TACC2: variants seen among roughly 807,000 people sequenced by gnomAD.
The protein encoded by TACC2 is transforming acidic coiled-coil-containing protein 2.
A neutral mutation model predicts 227.3 loss-of-function variants in TACC2; 137 were observed. The ratio of observed to expected loss-of-function variants is 0.60; its 90% CI spans 0.52 to 0.69. TACC2 has a LOEUF of 0.69. Ranked by LOEUF, TACC2 falls within the 30% of genes least tolerant of loss-of-function variation. TACC2 has a pLI of 0.00. For synonymous variants in TACC2, 1,523 were observed against 1,487.5 expected (o/e 1.02, Z -0.55); for missense variants, 3,470 against 3,694.4 (o/e 0.94, Z 1.57).
chr10:122,192,616 A>G (rs2140496773), intron 7 of TACC2: 1 of 445,694 alleles, frequency 2.2e-6, no homozygotes, highest in African/African-American at 2.0e-5. Context: ...TTTAGGTCCA[A>G]GAGATACGAG....
chr10:122,197,676 C>T (rs1053791491), intron 8 of TACC2, among the ~76,000 whole-genome samples: 4 of 152,212 alleles, frequency 2.6e-5, no homozygotes, highest in Admixed American at 6.5e-5. Flanking sequence ...AGTGTTTGAA[C>T]GGGGACTTTA....
rs760822277 is a variant in TACC2 at position 122,085,646 on chromosome 10, A to T, written c.3146A>T (p.Asp1049Val). The T allele has an allele frequency of 1.3e-5, 21 of 1,613,344 alleles. No homozygotes were observed. Among genetic ancestry groups the T allele is most frequent in the Non-Finnish European group, 1.8e-5 (21 of 1,179,992 alleles). Residue 1049 changes from aspartate to valine, a missense_variant, in exon 4 of 23, where the codon GAC becomes GTC. By Grantham distance (152) the Asp-to-Val change is radical. Coordinates refer to ENST00000369005, the MANE Select transcript of TACC2 (RefSeq NM_206862.4). ...NTGEAPPCQP[D>V]SVALLDAVPC... ...GGGGAGGCCCCACCTTGTCAGCCTGACTCAGTAGCTCTCCTGGATGCAGTT... is the reference window on the plus strand; with the variant it reads ...GGGGAGGCCCCACCTTGTCAGCCTGTCTCAGTAGCTCTCCTGGATGCAGTT...
intron 9 of TACC2, among the ~76,000 whole-genome samples, chr10:122,212,525 A>C (rs1259721805): frequency 6.6e-6 from 1 of 152,190 alleles, no homozygotes; most frequent in Non-Finnish European, 1.5e-5. Context: ...CCTGTGGTTA[A>C]TATCTTGGCG....
At chr10:122,056,409 A>C (rs546246529) in intron 3 of TACC2, among the ~76,000 whole-genome samples, 1 of 152,144 alleles carries the variant, frequency 6.6e-6, no homozygotes, top group African/African-American at 2.4e-5. Context: ...TCTTGACCTC[A>C]GGTGATCTGC....
rs148285487 is a variant in TACC2 at position 122,124,788 on chromosome 10, C to A, written c.5574-7821C>A. ...CTTCCATGTTCCCTTTCCCCGATTC[C>A]GCAGTCATTGACATTTTATCACATG... On this transcript the variant is annotated intron_variant, in intron 5 of 22. Transcript: ENST00000369005. 2.3e-3 allele frequency among the ~76,000 whole-genome samples: 353 copies of A among 152,312 alleles called. 3 individuals are homozygous for A. The highest frequency in any genetic ancestry group is 8.2e-3 in the African/African-American group (339 of 41,568).
intron 5 of TACC2, among the ~76,000 whole-genome samples, chr10:122,113,707 A>G (rs2084077433): frequency 6.6e-6 from 1 of 152,224 alleles, no homozygotes; most frequent in African/African-American, 2.4e-5. Context: ...CGGCGCGTGG[A>G]CTAGCCATAA....
chr10:122,211,207 T>C lies in TACC2; in HGVS notation c.6782T>C (p.Leu2261Pro), dbSNP rs2295876. The change falls in exon 9 of 23, where the codon CTC becomes CCC. Residue 2261 changes from leucine to proline, a missense_variant. This residue lies in a region of TACC2 where 593 missense variants were observed against 636.6 expected (regional missense o/e 0.93). Coordinates refer to ENST00000369005, the MANE Select transcript of TACC2 (RefSeq NM_206862.4). ...GGQEDSPAKG[L>P]SVRLEFDYSE... ...CAAGAGGACTCTCCAGCCAAAGGGC[T>C]CTCCGTAAGGCTGGAGTTTGACTAT... The C allele has an allele frequency of 3.9e-3, 6,325 of 1,613,668 alleles. 29 individuals are homozygous for C. Among genetic ancestry groups the C allele is most frequent in the Non-Finnish European group, 4.5e-3 (5,294 of 1,179,894 alleles).
At chr10:122,145,224 T>G (rs1338058513) in intron 7 of TACC2, among the ~76,000 whole-genome samples, 1 of 152,256 alleles carries the variant, frequency 6.6e-6, no homozygotes, top group Non-Finnish European at 1.5e-5. Context: ...AAAACTTGTA[T>G]GCATGTATTC....
chr10:122,003,126 C>T (rs188274429), intron 1 of TACC2, among the ~76,000 whole-genome samples: 2 of 152,176 alleles, frequency 1.3e-5, no homozygotes, highest in Non-Finnish European at 2.9e-5. Context: ...TCGCTTGAAC[C>T]CAGGAGGCGG....
At chr10:122,237,889 T>C in intron 17 of TACC2, 72 bp from the exon 18 acceptor site, 1 of 1,124,574 alleles carries the variant, frequency 8.9e-7, no homozygotes, top group Non-Finnish European at 1.3e-6. Flanking sequence ...CTCCTTTTCT[T>C]GATCTATGAA....
rs1371053192 is a variant in TACC2, at chr10:122,209,528, C to A, written c.5972-869C>A. ...TTCCTTCTACCCAGGATGCTTCCTC[C>A]CCAGGAGTCCTCCTGTTTCATGCAC... On this transcript the variant is annotated intron_variant, in intron 8 of 22. Transcript: ENST00000369005. This position sits in a 1 kb window ranked among gnomAD's most constrained non-coding sequence, Gnocchi z 4.5. 1.3e-5 allele frequency among the ~76,000 whole-genome samples: 2 copies of A among 152,180 alleles called. No homozygotes were observed. The highest frequency in any genetic ancestry group is 2.9e-5 in the Non-Finnish European group (2 of 68,036).
chr10:121,990,779 G>T lies in TACC2; in HGVS notation c.-46+1291G>T, dbSNP rs188994798. Among the ~76,000 whole-genome samples, 743 of 151,950 alleles carry T rather than the reference G, an allele frequency of 4.9e-3. 4 individuals are homozygous for T. Among genetic ancestry groups the T allele is most frequent in the African/African-American group, 6.8e-3 (281 of 41,456 alleles). On this transcript the variant is annotated intron_variant, in intron 1 of 22. Coordinates refer to ENST00000369005, the MANE Select transcript of TACC2 (RefSeq NM_206862.4). Reference sequence around the variant, plus strand: ...ATTGTCTGGACATACCTGTTTTTTTGTTGTTGTTGTTTGTTTGTTTGTTTT... The same window carrying T: ...ATTGTCTGGACATACCTGTTTTTTTTTTGTTGTTGTTTGTTTGTTTGTTTT...
intron 11 of TACC2, among the ~76,000 whole-genome samples, 176 bp from the exon 12 acceptor site, chr10:122,224,550 G>C (rs895567603): frequency 6.6e-6 from 1 of 152,096 alleles, no homozygotes; most frequent in African/African-American, 2.4e-5. Flanking sequence ...GAAAATAGCC[G>C]AACTGAGCCT....
intron 1 of TACC2, among the ~76,000 whole-genome samples, chr10:122,005,960 G>A (rs1197307980): frequency 1.3e-5 from 2 of 152,070 alleles, no homozygotes; most frequent in African/African-American, 4.8e-5. Context: ...CTTCCAAAGT[G>A]TTGGGATTAT....
intron 7 of TACC2, among the ~76,000 whole-genome samples, chr10:122,158,847 T>C (rs1381805723): frequency 1.3e-5 from 2 of 152,190 alleles, no homozygotes; most frequent in African/African-American, 2.4e-5. Flanking sequence ...TCTTCTGCCT[T>C]TTCTCTATTC....
At chr10:122,188,732 C>G (rs1348507720) in intron 7 of TACC2, among the ~76,000 whole-genome samples, 1 of 152,218 alleles carries the variant, frequency 6.6e-6, no homozygotes, top group Non-Finnish European at 1.5e-5. Context: ...TAGCGATGGT[C>G]AGGACGGCGA....
At chr10:122,010,068 C>T (rs1955733361) in intron 1 of TACC2, among the ~76,000 whole-genome samples, 1 of 152,224 alleles carries the variant, frequency 6.6e-6, no homozygotes, top group African/African-American at 2.4e-5. Flanking sequence ...AGGCAAATAT[C>T]TGCAGTTTCT....
chr10:122,216,514 A>G (rs2281670), intron 10 of TACC2, 113 bp from the exon 11 acceptor site: 147,962 of 974,178 alleles, frequency 0.15, 14,673 homozygotes, highest in East Asian at 0.42. Flanking sequence ...AAGAGCATGC[A>G]GAGGATTGTG....
At chr10:122,036,593 C>T (rs2461208) in intron 2 of TACC2, among the ~76,000 whole-genome samples, 69,681 of 149,450 alleles carry the variant, frequency 0.47, 17,188 homozygotes, top group African/African-American at 0.63. Flanking sequence ...CTCCATCTCC[C>T]AAGTTCAAGT....
Sources: allele counts gnomAD v4.1 joint callset (sites outside exome capture counted in the v4.1 genomes callset), GRCh38; gene constraint gnomAD v4.1.1; regional missense constraint gnomAD v4.1.1; non-coding constraint Gnocchi (gnomAD v3.1); transcripts MANE v1.5; gene names NCBI Gene and HGNC (gene_info 2026-07-23, HGNC 2026-07-21).